PHTF1: variants seen among roughly 807,000 people sequenced by gnomAD.
PHTF1 encodes protein PHTF1.
Under a neutral mutation model 102.4 loss-of-function variants are expected in PHTF1, and 88 were observed. That is an observed-to-expected ratio of 0.86 (90% CI 0.72 to 1.03). The LOEUF (loss-of-function observed/expected upper bound fraction) is 1.03. Among genes scored for constraint, PHTF1 ranks in the 50% least tolerant of loss-of-function variants. The probability of loss-of-function intolerance (pLI) is 0.00; values close to 1 mark genes in which losing one functional copy is unlikely to be tolerated. For synonymous variants in PHTF1, 289 were observed against 305.2 expected (o/e 0.95, Z 0.55); for missense variants, 814 against 909.5 (o/e 0.89, Z 1.35).
At chr1:113,758,904 C>T in intron 1 of PHTF1, 119 bp downstream of exon 1, 2 of 1,282,586 alleles carry the variant, frequency 1.6e-6, no homozygotes, top group Non-Finnish European at 2.0e-6. Flanking sequence ...GCAGCGGCGA[C>T]CGGAGAAGCC....
intron 1 of PHTF1, 131 bp from the exon 2 acceptor site, chr1:113,758,864 A>C: frequency 7.6e-7 from 1 of 1,324,374 alleles, no homozygotes; most frequent in Non-Finnish European, 9.7e-7. Flanking sequence ...TGCCAGGGAA[A>C]ACACAACAAA....
chr1:113,718,334 T>C (rs1240923768), intron 7 of PHTF1, among the ~76,000 whole-genome samples: 1 of 152,186 alleles, frequency 6.6e-6, no homozygotes, highest in Non-Finnish European at 1.5e-5. Flanking sequence ...CTTATGGCTT[T>C]GCAGGGTAAA....
chr1:113,716,187 A>T (rs1652000484), intron 7 of PHTF1, among the ~76,000 whole-genome samples: 1 of 152,134 alleles, frequency 6.6e-6, no homozygotes, highest in Non-Finnish European at 1.5e-5. Context: ...ACCCTCAAAG[A>T]TCAAAGATAA....
intron 12 of PHTF1, 121 bp from the exon 13 acceptor site, chr1:113,706,283 CAT>C: frequency 4.5e-6 from 4 of 886,250 alleles, no homozygotes; most frequent in Non-Finnish European, 6.7e-6. Flanking sequence ...ATACAAATGA[CAT>C]ACAGATTTAT....
Position 113,706,565 on chromosome 1 carries a change from G to T in PHTF1, c.1398+29C>A, listed in dbSNP as rs568485447. On this transcript the variant is annotated intron_variant, in intron 12 of 18. Coordinates refer to ENST00000369604, the MANE Select transcript of PHTF1 (RefSeq NM_001323043.2). ...CTCCTGATCACTTCGTATATTTTTT[G>T]AAAAATCTGAAAACATATTCAGTCT... The T allele has an allele frequency of 3.2e-6, 5 of 1,547,764 alleles. No individual in the cohort carries two copies. In the Admixed American group the frequency reaches 1.1e-4, roughly 34 times the overall value.
Position 113,758,880 on chromosome 1 carries a change from A to C in PHTF1, c.-31+143T>G, listed in dbSNP as rs888073356. The C allele has an allele frequency of 4.7e-5, 61 of 1,287,144 alleles. No homozygotes were observed. The East Asian group carries it at 2.0e-3, about 42-fold the overall frequency. 79.7% of individuals were successfully genotyped at this position (1,287,144 alleles called of 1,614,324 possible). A position where few individuals can be genotyped will look rare whatever the true frequency, so the allele number is the denominator to read the frequency against. ...GCCAGGGAAAACACAACAAACAAAC[A>C]AAAAAAAACTGGCGCAGCGGCGACC... is the stretch of plus-strand genomic sequence containing the variant. On this transcript the variant is annotated intron_variant, in intron 1 of 18. Coordinates refer to ENST00000369604, the MANE Select transcript of PHTF1 (RefSeq NM_001323043.2).
At chr1:113,717,502 C>T (rs1269932927) in intron 7 of PHTF1, among the ~76,000 whole-genome samples, 2 of 151,920 alleles carry the variant, frequency 1.3e-5, no homozygotes, top group African/African-American at 4.8e-5. Context: ...TACACACAGG[C>T]TGAAAATAAG....
chr1:113,718,022 A>T (rs1203324647), intron 7 of PHTF1, among the ~76,000 whole-genome samples: 1 of 152,194 alleles, frequency 6.6e-6, no homozygotes, highest in Non-Finnish European at 1.5e-5. Context: ...TTAACCCAAA[A>T]GTCCAGCATC....
intron 3 of PHTF1, among the ~76,000 whole-genome samples, chr1:113,747,571 T>A (rs1008937798): frequency 1.3e-5 from 2 of 152,222 alleles, no homozygotes; most frequent in East Asian, 3.8e-4. Flanking sequence ...TTTCTGACAC[T>A]ATGAATTCCT....
chr1:113,758,727 G>C lies in PHTF1; in HGVS notation c.-24C>G. ...ATCTGTGTCTCCAGCCAGAGAATGG[G>C]ATTTCACTGAAAATGAAGGAAAACC... On this transcript the variant is annotated 5_prime_UTR_variant, in exon 2 of 19. It adds an upstream start codon to the 5' untranslated region. Coordinates refer to ENST00000369604, the MANE Select transcript of PHTF1 (RefSeq NM_001323043.2). The C allele has an allele frequency of 6.2e-7, 1 of 1,606,934 alleles. No homozygotes were observed. Among genetic ancestry groups the C allele is most frequent in the Non-Finnish European group, 8.5e-7 (1 of 1,176,806 alleles).
At chr1:113,749,518 T>C (rs1413923634) in intron 3 of PHTF1, 2 of 152,238 alleles carry the variant, frequency 1.3e-5, no homozygotes, top group Admixed American at 1.3e-4. Context: ...GACTCTGATT[T>C]GTTTCTGGTC....
At chr1:113,723,177 ATT>A (rs1186819562) in intron 7 of PHTF1, among the ~76,000 whole-genome samples, 2,323 of 135,648 alleles carry the variant, frequency 0.017, 53 homozygotes, top group African/African-American at 0.057. Flanking sequence ...CAGTGAACTC[ATT>A]TTTTTTTTTT....
intron 7 of PHTF1, among the ~76,000 whole-genome samples, chr1:113,723,754 C>T (rs555379200): frequency 7.0e-4 from 107 of 152,194 alleles, no homozygotes; most frequent in African/African-American, 2.6e-3. Flanking sequence ...GCACAGGCAA[C>T]CAAAGCAAAA....
intron 5 of PHTF1, among the ~76,000 whole-genome samples, chr1:113,734,012 C>A (rs1291896479): frequency 6.6e-6 from 1 of 152,178 alleles, no homozygotes; most frequent in Non-Finnish European, 1.5e-5. Flanking sequence ...GTAATCCCAG[C>A]ACTTTGGGAG....
Position 113,738,731 on chromosome 1 carries a change from T to A in PHTF1, c.171A>T (p.Arg57Ser), listed in dbSNP as rs202080005. Residue 57 changes from arginine (R) to serine (S), a missense_variant and splice_region_variant, in exon 4 of 19, where the codon AGA becomes AGT. Arg to Ser is a moderately radical substitution (Grantham distance 110, BLOSUM62 -1). Coordinates refer to ENST00000369604, the MANE Select transcript of PHTF1 (RefSeq NM_001323043.2). ...ATAAAAAACAATTTTAAGACTAACC[T>A]CTGATTAAGTCAACGTCAATCAAGT... ...KPDLIDVDLI[R>S]GSTFAKAKPE... The A allele has an allele frequency of 1.9e-6, 3 of 1,578,666 alleles. No homozygotes were observed. In the African/African-American group the frequency reaches 4.1e-5, roughly 21 times the overall value.
At chr1:113,725,320 T>C (rs1653662081) in intron 6 of PHTF1, 1 of 153,010 alleles carries the variant, frequency 6.5e-6, no homozygotes, top group African/African-American at 2.4e-5. Flanking sequence ...AGACAAAAGA[T>C]ATATACTATA....
intron 3 of PHTF1, among the ~76,000 whole-genome samples, chr1:113,745,576 A>G (rs1657103621): frequency 6.6e-6 from 1 of 152,198 alleles, no homozygotes; most frequent in Non-Finnish European, 1.5e-5. Flanking sequence ...GGGGCAGGTG[A>G]GAGAACAAGG....
At chr1:113,758,900 G>C (rs1015817716) in intron 1 of PHTF1, 123 bp downstream of exon 1, 1 of 1,296,998 alleles carries the variant, frequency 7.7e-7, no homozygotes, top group Non-Finnish European at 9.8e-7. Flanking sequence ...TGGCGCAGCG[G>C]CGACCGGAGA....
At chr1:113,716,481 A>G (rs1421211034) in intron 7 of PHTF1, among the ~76,000 whole-genome samples, 2 of 151,768 alleles carry the variant, frequency 1.3e-5, no homozygotes, top group African/African-American at 4.8e-5. Context: ...CATAGCTGGA[A>G]CCACAGGCAC....
Sources: allele counts gnomAD v4.1 joint callset (sites outside exome capture counted in the v4.1 genomes callset), GRCh38; gene constraint gnomAD v4.1.1; transcripts MANE v1.5; gene names NCBI Gene and HGNC (gene_info 2026-07-23, HGNC 2026-07-21).